The following TSC22D3 variants were observed in gnomAD, a reference collection of about 807,000 sequenced individuals.
TSC22D3 encodes the protein TSC22 domain family member 3.
Under a neutral mutation model 11.1 loss-of-function variants are expected in TSC22D3, and 4 were observed. That is an observed-to-expected ratio of 0.36 (90% CI 0.18 to 0.83). The LOEUF is 0.83. TSC22D3 is among the 40% of genes least tolerant of loss of function. The pLI, the probability that TSC22D3 is intolerant of heterozygous loss-of-function variation, is 0.48. For synonymous variants in TSC22D3, 77 were observed against 70.3 expected (o/e 1.10, Z -0.48); for missense variants, 118 against 159.4 (o/e 0.74, Z 1.40).
intron 1 of TSC22D3, among the ~76,000 whole-genome samples, chrX:107,749,928 C>A (rs1268811904): frequency 1.8e-5 from 2 of 112,081 alleles, no homozygotes; most frequent in East Asian, 5.6e-4. Context: ...AACAGGCCTA[C>A]ATCCTCCGGT....
At chrX:107,726,071 C>A (rs918749490) in intron 1 of TSC22D3, among the ~76,000 whole-genome samples, 3 of 110,590 alleles carry the variant, frequency 2.7e-5, no homozygotes, top group African/African-American at 9.9e-5. Context: ...TCTCTGCAAA[C>A]ATGCCTGTCC....
intron 1 of TSC22D3, chrX:107,774,838 G>A: frequency 2.5e-6 from 1 of 408,146 alleles, no homozygotes; most frequent in Non-Finnish European, 4.2e-6. Flanking sequence ...CAAACCATCT[G>A]GGGTCTGCCC....
chrX:107,754,082 A>AT (rs1008976837), intron 1 of TSC22D3, among the ~76,000 whole-genome samples: 22 of 108,916 alleles, frequency 2.0e-4, no homozygotes, highest in Non-Finnish European at 3.6e-4. Flanking sequence ...CGCCTAGCTA[A>AT]TTTTTTTTTG....
chrX:107,732,865 AG>A (rs1286587240), intron 1 of TSC22D3, among the ~76,000 whole-genome samples: 1 of 111,286 alleles, frequency 9.0e-6, no homozygotes, highest in Non-Finnish European at 1.9e-5. Context: ...TGGGAAGCCA[AG>A]GGGGGAGGAT....
intron 1 of TSC22D3, among the ~76,000 whole-genome samples, chrX:107,736,818 G>A (rs1928156754): frequency 9.0e-6 from 1 of 111,289 alleles, no homozygotes; most frequent in Admixed American, 9.5e-5. Context: ...TGAGAGGCCT[G>A]GAACCACCCA....
chrX:107,764,974 T>TGTCAGAGAGGGGCAATGAGGGGAGG (rs1929597048), intron 1 of TSC22D3, among the ~76,000 whole-genome samples: 1 of 112,176 alleles, frequency 8.9e-6, no homozygotes, highest in Non-Finnish European at 1.9e-5. Flanking sequence ...GTTTGCCCTG[T>TGTCAGAGAGGGGCAATGAGGGGAGG]GTCAGAGAGG....
At chrX:107,723,980 G>A (rs930252618) in intron 1 of TSC22D3, among the ~76,000 whole-genome samples, 2 of 112,426 alleles carry the variant, frequency 1.8e-5, no homozygotes, top group African/African-American at 6.5e-5. Context: ...AATAATGCTG[G>A]GCTCTTTAGT....
At position 107,774,155 on chromosome X, in the gene TSC22D3, G is replaced by A. The variant is rs943039869; in HGVS notation, c.320+945C>T. On this transcript the variant is annotated intron_variant, in intron 1 of 2. Coordinates refer to ENST00000372383, the MANE Select transcript of TSC22D3 (RefSeq NM_198057.3). ...CTCGCTTATACACTCACACACACATGTTGGTGCCCTATCCTGATGGCGCTA... is the reference window on the plus strand; with the variant it reads ...CTCGCTTATACACTCACACACACATATTGGTGCCCTATCCTGATGGCGCTA... Among the ~76,000 whole-genome samples the A allele has an allele frequency of 3.6e-5, 4 of 111,835 alleles. 1 individual carries two copies. The highest frequency in any genetic ancestry group is 7.5e-5 in the Non-Finnish European group (4 of 53,171).
At chrX:107,731,794 G>C (rs1927895866) in intron 1 of TSC22D3, among the ~76,000 whole-genome samples, 2 of 102,990 alleles carry the variant, frequency 1.9e-5, no homozygotes, top group Non-Finnish European at 3.9e-5. Flanking sequence ...CTGCGCTGGG[G>C]ATAAGCAGAT....
intron 1 of TSC22D3, among the ~76,000 whole-genome samples, chrX:107,738,903 G>A (rs898112502): frequency 7.2e-5 from 8 of 110,524 alleles, no homozygotes; most frequent in East Asian, 5.8e-4. Flanking sequence ...CAAACGGCAC[G>A]CAGCAGGGGC....
At chrX:107,716,837 C>A (rs1179893015) in intron 1 of TSC22D3, 1 of 1,205,210 alleles carries the variant, frequency 8.3e-7, no homozygotes, top group African/African-American at 1.8e-5. Flanking sequence ...GAAGCTCTGG[C>A]CGGGTTTCGT....
At chrX:107,731,301 T>C (rs943369461) in intron 1 of TSC22D3, among the ~76,000 whole-genome samples, 4 of 111,784 alleles carry the variant, frequency 3.6e-5, no homozygotes, top group Admixed American at 1.9e-4. Context: ...TGCCGTATTC[T>C]TCCAGAGCAC....
In TSC22D3 at chrX:107,771,421, C is replaced by T. The variant is rs991855892; in HGVS notation, c.320+3679G>A. Among the ~76,000 whole-genome samples the T allele has an allele frequency of 1.2e-4, 13 of 111,292 alleles. No homozygotes were observed. In the East Asian group the frequency reaches 2.3e-3, roughly 19 times the overall value. ...CTAATATGGTGAAACCCCATCTCTA[C>T]GAAAAATACAAAAATTAGCCGAGTG... On this transcript the variant is annotated intron_variant, in intron 1 of 2. Transcript: ENST00000372383.
chrX:107,749,295 A>C (rs752324850), intron 1 of TSC22D3, among the ~76,000 whole-genome samples: 1 of 110,439 alleles, frequency 9.1e-6, no homozygotes, highest in South Asian at 4.0e-4. Context: ...AGATTGATTG[A>C]ACCTGGGAGG....
At chrX:107,739,550 T>G (rs1187476078) in intron 1 of TSC22D3, among the ~76,000 whole-genome samples, 1 of 111,307 alleles carries the variant, frequency 9.0e-6, no homozygotes, top group African/African-American at 3.3e-5. Flanking sequence ...GGAGCATAGG[T>G]GAGGTTCACA....
chrX:107,728,639 A>G (rs1459115932), intron 1 of TSC22D3, among the ~76,000 whole-genome samples: 2 of 112,379 alleles, frequency 1.8e-5, no homozygotes, highest in Admixed American at 9.4e-5. Context: ...TGGCAGCCAT[A>G]CAGCTGGAAT....
chrX:107,737,583 C>G (rs1928203638), intron 1 of TSC22D3, among the ~76,000 whole-genome samples: 1 of 110,834 alleles, frequency 9.0e-6, no homozygotes, highest in Non-Finnish European at 1.9e-5. Flanking sequence ...TGCTTTTTTT[C>G]TTTTTTTTCA....
rs769261451 is a variant in TSC22D3 at position 107,739,388 on chromosome X, G to A, written c.321-23438C>T. Among the ~76,000 whole-genome samples the A allele has an allele frequency of 6.2e-5, 7 of 112,616 alleles. No homozygotes were observed. In the East Asian group the frequency reaches 8.3e-4, roughly 13 times the overall value. ...CACACGCACACACGCACACACAGGC[G>A]CGTGCACACACACACATGCACCCTT... On this transcript the variant is annotated intron_variant, in intron 1 of 2. Transcript: ENST00000372383.
At chrX:107,767,853 T>C (rs1929738473) in intron 1 of TSC22D3, among the ~76,000 whole-genome samples, 1 of 112,142 alleles carries the variant, frequency 8.9e-6, no homozygotes, top group East Asian at 2.8e-4. Context: ...CAGCACAGTA[T>C]GTTCTGGGCC....
Sources: allele counts gnomAD v4.1 joint callset (sites outside exome capture counted in the v4.1 genomes callset), GRCh38; gene constraint gnomAD v4.1.1; transcripts MANE v1.5; gene names NCBI Gene and HGNC (gene_info 2026-07-23, HGNC 2026-07-21).